The following CACNA2D2 variants were observed in gnomAD, a reference collection of about 807,000 sequenced individuals.
CACNA2D2 encodes the protein calcium voltage-gated channel auxiliary subunit alpha2delta 2.
In CACNA2D2, 48 loss-of-function variants were observed where a neutral mutation model predicts 166.4. That is an observed-to-expected ratio of 0.29 (90% confidence interval 0.23 to 0.37). CACNA2D2 has a LOEUF of 0.37. Ranked by LOEUF, CACNA2D2 falls within the 10% of genes least tolerant of loss-of-function variation. The probability of loss-of-function intolerance (pLI) is 1.00; values close to 1 mark genes in which losing one functional copy is unlikely to be tolerated. For missense variants in CACNA2D2, 1,122 were observed against 1,433.0 expected (o/e 0.78, Z 3.50); for synonymous variants, 561 against 573.7 (o/e 0.98, Z 0.32).
At chr3:50,457,409 C>T (rs886551593) in intron 2 of CACNA2D2, among the ~76,000 whole-genome samples, 3 of 152,182 alleles carry the variant, frequency 2.0e-5, no homozygotes, top group African/African-American at 7.2e-5. Context: ...CAGCAGCTAC[C>T]TGCAAAATAT....
At chr3:50,486,254 C>T (rs1428919593) in intron 1 of CACNA2D2, among the ~76,000 whole-genome samples, 1 of 152,140 alleles carries the variant, frequency 6.6e-6, no homozygotes, top group Non-Finnish European at 1.5e-5. Context: ...AGGGAGGAAC[C>T]CAGGAGCTAC....
At chr3:50,383,573 G>A (rs1018641249) in intron 6 of CACNA2D2, among the ~76,000 whole-genome samples, 13 of 152,220 alleles carry the variant, frequency 8.5e-5, no homozygotes, top group African/African-American at 2.9e-4. Flanking sequence ...TAGTGACCTC[G>A]TTTCCCCATT....
At chr3:50,454,672 ACT>A (rs1229678355) in intron 2 of CACNA2D2, among the ~76,000 whole-genome samples, 2 of 151,460 alleles carry the variant, frequency 1.3e-5, no homozygotes, top group African/African-American at 2.4e-5. Context: ...TCAGCATAAA[ACT>A]CTCTCTTATA....
At chr3:50,484,422 C>T (rs145345145) in intron 1 of CACNA2D2, among the ~76,000 whole-genome samples, 13 of 152,246 alleles carry the variant, frequency 8.5e-5, no homozygotes, top group Non-Finnish European at 1.3e-4. Flanking sequence ...TCAACTCCGT[C>T]GCACTAAGAG....
At chr3:50,492,585 AC>A (rs1241408961) in intron 1 of CACNA2D2, among the ~76,000 whole-genome samples, 2 of 152,190 alleles carry the variant, frequency 1.3e-5, no homozygotes, top group African/African-American at 4.8e-5. Flanking sequence ...GTTCTCACTG[AC>A]CCACATCCAT....
At chr3:50,387,743 G>A in intron 4 of CACNA2D2, 131 bp from the exon 5 acceptor site, 1 of 722,524 alleles carries the variant, frequency 1.4e-6, no homozygotes, top group Non-Finnish European at 2.3e-6. Flanking sequence ...CCCACCCAGA[G>A]CCCCCCTCCT....
intron 2 of CACNA2D2, among the ~76,000 whole-genome samples, chr3:50,455,899 C>G (rs761540349): frequency 3.3e-5 from 5 of 152,202 alleles, no homozygotes; most frequent in Non-Finnish European, 7.3e-5. Context: ...ATGCTCCCCC[C>G]ATTCCTCTCC....
rs528646365 is a variant in CACNA2D2 at position 50,418,742 on chromosome 3, G to A, written c.405+15571C>T. Among the ~76,000 whole-genome samples the A allele has an allele frequency of 3.9e-5, 6 of 152,356 alleles. No homozygotes were observed. In the South Asian group the frequency reaches 1.2e-3, roughly 32 times the overall value. ...CCACTGGCTGCTGCAGGGTGGAGAG[G>A]GAGAATGAGGTGGAGGGATGGAGGA... On this transcript the variant is annotated intron_variant, in intron 3 of 37. Transcript: ENST00000424201.
chr3:50,369,536 G>T (rs1291559662), intron 23 of CACNA2D2, among the ~76,000 whole-genome samples: 1 of 152,222 alleles, frequency 6.6e-6, no homozygotes, highest in Non-Finnish European at 1.5e-5. Flanking sequence ...GTGCACACAC[G>T]AAGGTGAGGC....
Position 50,367,092 on chromosome 3 carries a change from C to G in CACNA2D2, c.2419G>C (p.Glu807Gln). 1 of 1,613,560 alleles carries G rather than the reference C, an allele frequency of 6.2e-7. No homozygotes were observed. The highest frequency in any genetic ancestry group is 8.5e-7 in the Non-Finnish European group (1 of 1,180,016). The change falls in exon 28 of 38, where the codon GAG becomes CAG. Residue 807 changes from glutamate (E) to glutamine (Q), a missense_variant. This residue lies in a region of CACNA2D2 where 840 missense variants were observed against 1,166.8 expected (regional missense o/e 0.72). Coordinates refer to ENST00000424201, the MANE Select transcript of CACNA2D2 (RefSeq NM_006030.4). The surrounding 1 kb of genome is among the most constrained non-coding windows in gnomAD (Gnocchi z 6.5). ...PHQDALLRPL[E>Q]LENDTVGILV... ...ATGCCCACAGTGTCATTCTCCAGCTCCAGCGGCCTTAACAGGGCTGGGGGT... is the reference window on the plus strand; with the variant it reads ...ATGCCCACAGTGTCATTCTCCAGCTGCAGCGGCCTTAACAGGGCTGGGGGT...
rs1345942295 is a variant in CACNA2D2, at chr3:50,371,393, T to C, written c.1985-1013A>G. ...GTGCCTAAGTGTGAGTATCTCTGTA[T>C]GGGTTTGAGAGTGAACCTGAGGATG... On this transcript the variant is annotated intron_variant, in intron 22 of 37. Transcript: ENST00000424201. Among the ~76,000 whole-genome samples, 3 of 152,054 alleles carry C rather than the reference T, an allele frequency of 2.0e-5. No homozygotes were observed. The East Asian group carries it at 5.8e-4, about 29-fold the overall frequency.
intron 2 of CACNA2D2, among the ~76,000 whole-genome samples, chr3:50,452,197 C>A (rs1376302037): frequency 6.6e-6 from 1 of 152,218 alleles, no homozygotes; most frequent in Non-Finnish European, 1.5e-5. Context: ...ATGGGCCAGC[C>A]CACCTCCAGG....
intron 1 of CACNA2D2, among the ~76,000 whole-genome samples, chr3:50,497,555 A>G (rs1698773498): frequency 6.6e-6 from 1 of 152,200 alleles, no homozygotes; most frequent in South Asian, 2.1e-4. Flanking sequence ...AGGTGAGAGG[A>G]GCGGGACCAG....
At chr3:50,394,006 C>CT in intron 4 of CACNA2D2, 103 bp downstream of exon 4, 1 of 1,002,158 alleles carries the variant, frequency 1.0e-6, no homozygotes, top group South Asian at 1.4e-5. Context: ...CCACAGACCC[C>CT]TCTGTGTCCC....
chr3:50,384,387 T>G (rs1313963917), intron 5 of CACNA2D2, 50 bp from the exon 6 acceptor site: 10 of 1,603,716 alleles, frequency 6.2e-6, no homozygotes, highest in Non-Finnish European at 8.5e-6. Context: ...AATGGTGAAT[T>G]GGGTTGTAGA....
Position 50,374,822 on chromosome 3 carries a change from G to A in CACNA2D2, c.1908-9C>T. On this transcript the variant is annotated splice_polypyrimidine_tract_variant and intron_variant, in intron 21 of 37. Transcript: ENST00000424201. ...GGAGCACCAGCCCCAGGCTGAGGGG[G>A]GAGAAGCTCGGGTCACGGCTGGGGG... 1 of 1,581,962 alleles carries A rather than the reference G, an allele frequency of 6.3e-7. No homozygotes were observed.
In CACNA2D2 at chr3:50,364,627, C is replaced by T. The variant is rs1020128289; in HGVS notation, c.*39G>A. 47 of 1,466,842 alleles carry T rather than the reference C, an allele frequency of 3.2e-5. No individual in the cohort carries two copies. The highest frequency in any genetic ancestry group is 4.1e-5 in the Non-Finnish European group (45 of 1,109,488). The allele number at this position is 1,466,842 out of a possible 1,614,324, so 90.9% of individuals were successfully genotyped here. ...AGGAGGGTGGGAAAGGCGAAGAGGC[C>T]GGGTGAGGTGGGAGTGGAGGTGGGG... On this transcript the variant is annotated 3_prime_UTR_variant, in exon 38 of 38. Transcript: ENST00000424201.
chr3:50,462,633 C>T (rs566471097), intron 2 of CACNA2D2, among the ~76,000 whole-genome samples: 29 of 151,778 alleles, frequency 1.9e-4, no homozygotes, highest in African/African-American at 6.8e-4. Flanking sequence ...CAAAGCCCTC[C>T]TCTCCCGCAG....
intron 3 of CACNA2D2, among the ~76,000 whole-genome samples, chr3:50,425,554 C>G (rs1707769104): frequency 1.3e-5 from 2 of 152,216 alleles, no homozygotes; most frequent in East Asian, 1.9e-4. Context: ...TACCCTCCCC[C>G]AGCCTCGCAC....
Sources: gnomAD v4.1 joint callset for allele counts (sites outside exome capture counted in the v4.1 genomes callset) on GRCh38, gnomAD v4.1.1 for gene constraint, gnomAD v4.1.1 regional missense constraint, Gnocchi (gnomAD v3.1) non-coding constraint, MANE v1.5 for transcripts, NCBI Gene and HGNC (gene_info 2026-07-23, HGNC 2026-07-21) for gene names.